The following SLC30A6 variants were observed in gnomAD, a reference collection of about 807,000 sequenced individuals.
SLC30A6 encodes the protein zinc transporter 6.
In SLC30A6, 55 loss-of-function variants were observed where a neutral mutation model predicts 63.0. The observed-to-expected ratio is 0.87, with a 90% CI of 0.70 to 1.09. The LOEUF (loss-of-function observed/expected upper bound fraction) is 1.09, where lower values mean the gene tolerates loss of function less well. Among genes scored for constraint, SLC30A6 ranks in the 50% least tolerant of loss-of-function variants. The pLI, the probability that SLC30A6 is intolerant of heterozygous loss-of-function variation, is 0.00. For synonymous variants in SLC30A6, 224 were observed against 186.1 expected (o/e 1.20, Z -1.66); for missense variants, 587 against 549.2 (o/e 1.07, Z -0.69).
chr2:32,182,085 C>A (rs1043105504), intron 4 of SLC30A6, among the ~76,000 whole-genome samples: 1 of 151,720 alleles, frequency 6.6e-6, no homozygotes, highest in Non-Finnish European at 1.5e-5. Context: ...AGGTGTTCAC[C>A]ACCACACCTG....
Position 32,220,669 on chromosome 2 carries a change from A to G in SLC30A6, c.1342A>G (p.Ser448Gly). Residue 448 changes from serine (S) to glycine (G), a missense_variant, in exon 14 of 14, where the codon AGT (serine) becomes GGT (glycine). Transcript: ENST00000282587. The stretch of plus-strand genomic sequence containing the variant: ...GAGGACTGGTTTTACAAATATACCA[A>G]GTAGATATGGAACTAATAATAGAAT... ...GLRTGFTNIP[S>G]RYGTNNRIGQ... The G allele has an allele frequency of 1.2e-6, 2 of 1,614,044 alleles. No homozygotes were observed. Among genetic ancestry groups the G allele is most frequent in the Non-Finnish European group, 1.7e-6 (2 of 1,179,914 alleles).
rs1684440979 is a variant in SLC30A6, at chr2:32,203,118, A to G, written c.666-1472A>G. On this transcript the variant is annotated intron_variant, in intron 10 of 13. Coordinates refer to ENST00000282587, the MANE Select transcript of SLC30A6 (RefSeq NM_017964.5). ...AAAAGACTTCAGAGAAGGTAGTTTTAAAGTTTTGGTGGCAACCAACGTGGC... is the reference window on the plus strand; with the variant it reads ...AAAAGACTTCAGAGAAGGTAGTTTTGAAGTTTTGGTGGCAACCAACGTGGC... 6 of 1,307,716 alleles carry G rather than the reference A, an allele frequency of 4.6e-6. No homozygotes were observed. The East Asian group carries it at 1.4e-4, about 30-fold the overall frequency. 81.0% of individuals were successfully genotyped at this position (1,307,716 alleles called of 1,614,324 possible). A position where few individuals can be genotyped will look rare whatever the true frequency, so the allele number is the denominator to read the frequency against.
At chr2:32,192,481 C>T (rs552216817) in intron 6 of SLC30A6, 65 bp downstream of exon 6, 7 of 1,392,444 alleles carry the variant, frequency 5.0e-6, no homozygotes, top group African/African-American at 2.9e-5. Flanking sequence ...GAAAGAAACC[C>T]GTCAGACACA....
chr2:32,167,016 C>A (rs1680727861), intron 1 of SLC30A6, among the ~76,000 whole-genome samples: 2 of 151,662 alleles, frequency 1.3e-5, no homozygotes, highest in Admixed American at 1.3e-4. Flanking sequence ...AAGATAAAGT[C>A]CTGTTTAGCA....
chr2:32,195,378 T>G (rs566216681), intron 8 of SLC30A6, among the ~76,000 whole-genome samples: 8 of 152,202 alleles, frequency 5.3e-5, no homozygotes, highest in Non-Finnish European at 1.2e-4. Flanking sequence ...GTCTGGCTTT[T>G]TGATTAGCAT....
intron 13 of SLC30A6, among the ~76,000 whole-genome samples, chr2:32,219,056 T>G (rs1345608515): frequency 1.3e-5 from 2 of 152,124 alleles, no homozygotes; most frequent in East Asian, 1.9e-4. Context: ...CTTTCTTCCT[T>G]CTTCCCTTCT....
At chr2:32,188,983 A>T (rs1683081966) in intron 5 of SLC30A6, among the ~76,000 whole-genome samples, 1 of 152,222 alleles carries the variant, frequency 6.6e-6, no homozygotes, top group Admixed American at 6.5e-5. Flanking sequence ...ATATTCCATT[A>T]TATGAATATG....
rs531643753 is a variant in SLC30A6 at position 32,218,145 on chromosome 2, G to C, written c.886-2068G>C. Among the ~76,000 whole-genome samples, 3 of 152,216 alleles carry C rather than the reference G, an allele frequency of 2.0e-5. No individual in the cohort carries two copies. In the East Asian group the frequency reaches 5.8e-4, roughly 29 times the overall value. ...TTTAAAAACATAATTTATGGACCGG[G>C]CATGGTGGCTCACGCCCGTAATCCC... On this transcript the variant is annotated intron_variant, in intron 13 of 13. Transcript: ENST00000282587.
At chr2:32,177,376 C>T (rs1012448483) in intron 4 of SLC30A6, 7 of 175,380 alleles carry the variant, frequency 4.0e-5, no homozygotes, top group African/African-American at 9.6e-5. Context: ...AGTGCAGTGG[C>T]GTGATCTTGG....
chr2:32,184,706 A>G (rs113897460), intron 5 of SLC30A6, among the ~76,000 whole-genome samples: 70 of 152,342 alleles, frequency 4.6e-4, no homozygotes, highest in Admixed American at 2.0e-3. Context: ...CGGAGGTTGC[A>G]GTGAGCCGAG....
At chr2:32,190,899 A>T (rs1683269474) in intron 5 of SLC30A6, among the ~76,000 whole-genome samples, 1 of 152,168 alleles carries the variant, frequency 6.6e-6, no homozygotes, top group Non-Finnish European at 1.5e-5. Flanking sequence ...CTGGGATTGC[A>T]TGTGTGAGTC....
In SLC30A6 at chr2:32,220,986, G is replaced by T. The variant is rs1686108909; in HGVS notation, c.*273G>T. On this transcript the variant is annotated 3_prime_UTR_variant, in exon 14 of 14. Transcript: ENST00000282587. ...GGTATCTTTGGTTTTGTAGTTGACT[G>T]CAGTGTGATGTGACCTTACCTTTAT... 2.7e-6 allele frequency: 1 copy of T among 373,394 alleles called. No individual in the cohort carries two copies. The highest frequency in any genetic ancestry group is 5.0e-6 in the Non-Finnish European group (1 of 201,700). 23.1% of individuals were successfully genotyped at this position (373,394 alleles called of 1,614,324 possible). A position where few individuals can be genotyped will look rare whatever the true frequency, so the allele number is the denominator to read the frequency against.
chr2:32,183,771 A>G (rs967453452), intron 4 of SLC30A6, among the ~76,000 whole-genome samples: 5 of 152,020 alleles, frequency 3.3e-5, no homozygotes, highest in Non-Finnish European at 5.9e-5. Context: ...TTGTTACCTC[A>G]ATTTCATATT....
intron 13 of SLC30A6, among the ~76,000 whole-genome samples, chr2:32,214,209 A>G (rs1685512204): frequency 6.6e-6 from 1 of 152,166 alleles, no homozygotes; most frequent in South Asian, 2.1e-4. Context: ...TGCTGGGATT[A>G]TAGGAATGAG....
chr2:32,192,983 C>G (rs1214411730), intron 7 of SLC30A6, 30 bp downstream of exon 7: 9 of 1,327,220 alleles, frequency 6.8e-6, no homozygotes, highest in Non-Finnish European at 9.4e-6. Flanking sequence ...ATATAATTTA[C>G]TATTGATTCT....
chr2:32,166,603 A>C (rs1680681502), intron 1 of SLC30A6, among the ~76,000 whole-genome samples: 1 of 152,234 alleles, frequency 6.6e-6, no homozygotes, highest in Non-Finnish European at 1.5e-5. Context: ...TTTAAAGATA[A>C]GCAGTTGGTT....
chr2:32,187,551 A>G (rs545523104), intron 5 of SLC30A6, among the ~76,000 whole-genome samples: 6 of 152,300 alleles, frequency 3.9e-5, no homozygotes, highest in Admixed American at 2.0e-4. Context: ...TATATTTGCA[A>G]TCGATCACAT....
At chr2:32,189,333 C>A (rs989729753) in intron 5 of SLC30A6, among the ~76,000 whole-genome samples, 1 of 149,758 alleles carries the variant, frequency 6.7e-6, no homozygotes, top group African/African-American at 2.5e-5. Context: ...GCTTGGTCGC[C>A]CAGGCTGGAG....
In SLC30A6 at chr2:32,204,628, T is replaced by G. The variant is rs746694339; in HGVS notation, c.704T>G (p.Ile235Ser). 6.2e-7 allele frequency: 1 copy of G among 1,612,512 alleles called. No homozygotes were observed. The highest frequency in any genetic ancestry group is 1.7e-5 in the Admixed American group (1 of 59,982). Residue 235 changes from isoleucine to serine, a missense_variant, in exon 11 of 14, where the codon ATT (isoleucine) becomes AGT (serine). Ile to Ser is a moderately radical substitution (Grantham distance 142, BLOSUM62 -2). Transcript: ENST00000282587. ...FAVDTASAIAIALMTFGTMYP... is the reference protein window; with the variant it reads ...FAVDTASAIASALMTFGTMYP... ...GTAGACACTGCCTCTGCTATAGCTATTGCCTTGATGACATTTGGCACTATG... is the reference window on the plus strand; with the variant it reads ...GTAGACACTGCCTCTGCTATAGCTAGTGCCTTGATGACATTTGGCACTATG...
Sources: gnomAD v4.1 joint callset for allele counts (sites outside exome capture counted in the v4.1 genomes callset) on GRCh38, gnomAD v4.1.1 for gene constraint, MANE v1.5 for transcripts, NCBI Gene and HGNC (gene_info 2026-07-23, HGNC 2026-07-21) for gene names.